RYR3: variants seen among roughly 807,000 people sequenced by gnomAD.
RYR3 encodes the protein brain ryanodine receptor-calcium release channel.
In RYR3, 207 loss-of-function variants were observed where a neutral mutation model predicts 584.3. That is an observed-to-expected ratio of 0.35 (90% CI 0.32 to 0.40). RYR3 has a LOEUF of 0.40. Ranked by LOEUF, RYR3 falls within the 10% of genes least tolerant of loss-of-function variation. RYR3 has a pLI of 1.00. For synonymous variants in RYR3, 2,416 were observed against 2,248.5 expected (o/e 1.07, Z -2.11); for missense variants, 5,616 against 6,089.2 (o/e 0.92, Z 2.59).
At chr15:33,427,657 C>T (rs1030928008) in intron 1 of RYR3, among the ~76,000 whole-genome samples, 1 of 152,174 alleles carries the variant, frequency 6.6e-6, no homozygotes, top group Non-Finnish European at 1.5e-5. Context: ...ATTCATGGCT[C>T]TCTCTGAAAT....
chr15:33,761,292 T>TA (rs1226275951), intron 60 of RYR3, among the ~76,000 whole-genome samples: 9 of 152,122 alleles, frequency 5.9e-5, no homozygotes, highest in South Asian at 2.1e-4. Context: ...GAAAAACCCT[T>TA]AAAAAAATCA....
chr15:33,639,740 A>G (rs1046160189), intron 27 of RYR3, among the ~76,000 whole-genome samples: 3 of 152,236 alleles, frequency 2.0e-5, no homozygotes, highest in Non-Finnish European at 4.4e-5. Context: ...GCTTACTTAC[A>G]AGTTGTCATT....
chr15:33,687,090 T>G (rs62012576), intron 38 of RYR3, among the ~76,000 whole-genome samples: 36,794 of 152,122 alleles, frequency 0.24, 4,640 homozygotes, highest in East Asian at 0.38. Flanking sequence ...GAGAAAGAAA[T>G]AAAGGGTATT....
In RYR3 at chr15:33,726,466, G is replaced by T. The variant is rs1273526169; in HGVS notation, c.6993G>T (p.Gly2331=). The T allele has an allele frequency of 1.2e-6, 2 of 1,606,432 alleles. No homozygotes were observed. Among genetic ancestry groups the T allele is most frequent in the Non-Finnish European group, 1.7e-6 (2 of 1,176,460 alleles). Residue 2331 remains glycine, a synonymous_variant, in exon 46 of 104, where the codon GGG becomes GGT. Coordinates refer to ENST00000634891, the MANE Select transcript of RYR3 (RefSeq NM_001036.6). ...TGGTCCCCACAGAAGACCTGGTTGGGATCATCAGCATCCCCTTGAAACTGC... is the reference window on the plus strand; with the variant it reads ...TGGTCCCCACAGAAGACCTGGTTGGTATCATCAGCATCCCCTTGAAACTGC... ...RSLVPTEDLV[G]IISIPLKLPS... is the part of the protein sequence containing the mutation.
chr15:33,392,107 G>C (rs1349973093), intron 1 of RYR3, among the ~76,000 whole-genome samples: 1 of 151,080 alleles, frequency 6.6e-6, no homozygotes, highest in Non-Finnish European at 1.5e-5. Flanking sequence ...TCCCCCATTT[G>C]ATCGTAAATT....
intron 66 of RYR3, among the ~76,000 whole-genome samples, chr15:33,787,253 A>G (rs1447872374): frequency 6.6e-6 from 1 of 152,244 alleles, no homozygotes; most frequent in East Asian, 1.9e-4. Flanking sequence ...CCAATTACAT[A>G]TCTAAAGCAG....
chr15:33,514,899 G>A (rs1054897557), intron 3 of RYR3, among the ~76,000 whole-genome samples: 1 of 152,082 alleles, frequency 6.6e-6, no homozygotes, highest in Non-Finnish European at 1.5e-5. Context: ...AGCTACTTGG[G>A]AGGCTGAGGC....
At position 33,811,003 on chromosome 15, in the gene RYR3, A is replaced by G; in HGVS notation, c.10223A>G (p.Glu3408Gly). Residue 3408 changes from glutamate (E) to glycine (G), a missense_variant, in exon 72 of 104, where the codon GAA becomes GGA. Physicochemically the swap from Glu to Gly is moderately conservative, Grantham distance 98 (BLOSUM62 -2). This residue lies in a region of RYR3 where 954 missense variants were observed against 1,132.2 expected (regional missense o/e 0.84). Transcript: ENST00000634891. Reference protein sequence around the residue: ...SHRDTDEEVREHLRNNLHLQE... With the variant: ...SHRDTDEEVRGHLRNNLHLQE... The stretch of plus-strand genomic sequence containing the variant: ...AGGGACACAGATGAAGAGGTCAGAG[A>G]ACATCTGCGGAACAACTTGCACTTG... The G allele has an allele frequency of 6.2e-7, 1 of 1,609,388 alleles. No individual in the cohort carries two copies. The highest frequency in any genetic ancestry group is 8.5e-7 in the Non-Finnish European group (1 of 1,178,076).
intron 11 of RYR3, among the ~76,000 whole-genome samples, chr15:33,565,203 C>T (rs2057643518): frequency 6.6e-6 from 1 of 152,156 alleles, no homozygotes; most frequent in Non-Finnish European, 1.5e-5. Context: ...GTTATCTGAG[C>T]AAGCAAAACC....
chr15:33,853,467 AG>A, intron 95 of RYR3, 87 bp from the exon 96 acceptor site: 4 of 1,477,530 alleles, frequency 2.7e-6, no homozygotes, highest in Non-Finnish European at 3.6e-6. Flanking sequence ...GATTGCCCAT[AG>A]GGCAGCAAAG....
chr15:33,860,974 G>T, intron 101 of RYR3, 104 bp from the exon 102 acceptor site: 1 of 938,022 alleles, frequency 1.1e-6, no homozygotes, highest in Non-Finnish European at 1.7e-6. Context: ...AAAAGCATTA[G>T]AAAGAAAGTT....
Position 33,755,005 on chromosome 15 carries a change from T to C in RYR3, c.8400-60T>C, listed in dbSNP as rs908155914. 5.7e-6 allele frequency: 5 copies of C among 873,004 alleles called. No homozygotes were observed. The African/African-American group carries it at 8.3e-5, about 14-fold the overall frequency. The allele number at this position is 873,004 out of a possible 1,614,324, so 54.1% of individuals were successfully genotyped here. A position where few individuals can be genotyped will look rare whatever the true frequency, so the allele number is the denominator to read the frequency against. On this transcript the variant is annotated intron_variant, in intron 57 of 103. Transcript: ENST00000634891. ...AATTCAACACTGGTAGGACTGGTGG[T>C]GCACCTGAGTGACATGGTTGTCTCT...
At chr15:33,399,586 C>T (rs111546716) in intron 1 of RYR3, among the ~76,000 whole-genome samples, 14 of 152,134 alleles carry the variant, frequency 9.2e-5, no homozygotes, top group African/African-American at 2.2e-4. Flanking sequence ...AGCAGTGAGC[C>T]GAGATAGCGC....
chr15:33,329,106 C>A (rs1308014854), intron 1 of RYR3, among the ~76,000 whole-genome samples: 1 of 152,128 alleles, frequency 6.6e-6, no homozygotes, highest in Admixed American at 6.5e-5. Flanking sequence ...GTCTGCAAGC[C>A]GAGGGACAGT....
intron 20 of RYR3, 100 bp downstream of exon 20, chr15:33,624,123 C>T: frequency 1.2e-6 from 1 of 816,336 alleles, no homozygotes; most frequent in South Asian, 1.6e-5. Context: ...AATATACATG[C>T]TCCAGAATTG....
chr15:33,642,163 C>T (rs751152189), intron 27 of RYR3, among the ~76,000 whole-genome samples: 4 of 152,180 alleles, frequency 2.6e-5, no homozygotes, highest in Non-Finnish European at 5.9e-5. Context: ...CCTTTTCCCC[C>T]TTACATTGTC....
intron 16 of RYR3, among the ~76,000 whole-genome samples, chr15:33,587,653 A>G (rs2058923053): frequency 6.6e-6 from 1 of 152,230 alleles, no homozygotes; most frequent in African/African-American, 2.4e-5. Context: ...AATTCTGGTA[A>G]TGTAAAAGTT....
chr15:33,543,981 T>C (rs1470384364), intron 8 of RYR3, among the ~76,000 whole-genome samples: 2 of 152,134 alleles, frequency 1.3e-5, no homozygotes, highest in South Asian at 2.1e-4. Context: ...TTAAACAAAT[T>C]ATTCACCAGG....
At chr15:33,500,731 G>A (rs948895660) in intron 2 of RYR3, among the ~76,000 whole-genome samples, 5 of 152,150 alleles carry the variant, frequency 3.3e-5, no homozygotes, top group African/African-American at 1.2e-4. Flanking sequence ...CAATGAGCTG[G>A]CCTCCTAGGG....
Sources: allele counts gnomAD v4.1 joint callset (sites outside exome capture counted in the v4.1 genomes callset), GRCh38; gene constraint gnomAD v4.1.1; regional missense constraint gnomAD v4.1.1; transcripts MANE v1.5; gene names NCBI Gene and HGNC (gene_info 2026-07-23, HGNC 2026-07-21).